Variants in EBF1 observed in about 807,000 individuals in gnomAD.
EBF1 encodes the protein transcription factor COE1.
Under a neutral mutation model 68.4 loss-of-function variants are expected in EBF1, and 10 were observed. That is an observed-to-expected ratio of 0.15 (90% confidence interval 0.09 to 0.25). EBF1 has a LOEUF of 0.25. EBF1 is among the 10% of genes least tolerant of loss of function. EBF1 has a pLI of 1.00. For missense variants in EBF1, 509 were observed against 794.4 expected, an observed-to-expected ratio of 0.64 and a Z score of 4.32; for synonymous variants, 298 against 299.8, an observed-to-expected ratio of 0.99 and a Z score of 0.06.
chr5:158,791,234 G>T (rs527731798), intron 9 of EBF1, among the ~76,000 whole-genome samples: 2 of 150,282 alleles, frequency 1.3e-5, no homozygotes, highest in Non-Finnish European at 2.9e-5. Flanking sequence ...CAGGAGAATC[G>T]CTTGAACCTG....
chr5:158,840,645 GTTTTTTTTTTTTTTTTTTTT>G (rs534374216), intron 6 of EBF1, among the ~76,000 whole-genome samples: 2 of 64,778 alleles, frequency 3.1e-5, no homozygotes, highest in African/African-American at 1.1e-4. Context: ...AATACCTCCT[GTTTTTTTTTTTTTTTTTTTT>G]TTTTTTTGTT....
At chr5:158,804,697 C>A (rs185371524) in intron 8 of EBF1, among the ~76,000 whole-genome samples, 34 of 152,274 alleles carry the variant, frequency 2.2e-4, no homozygotes, top group Non-Finnish European at 4.4e-4. Context: ...GTTAACTACA[C>A]TGCAGCTCAG....
intron 8 of EBF1, among the ~76,000 whole-genome samples, chr5:158,806,507 T>C (rs1481442355): frequency 6.6e-6 from 1 of 152,088 alleles, no homozygotes; most frequent in African/African-American, 2.4e-5. Flanking sequence ...GGCTCTATGC[T>C]GTCGTGAATG....
chr5:159,024,711 T>C (rs995269794), intron 6 of EBF1, among the ~76,000 whole-genome samples: 4 of 152,250 alleles, frequency 2.6e-5, no homozygotes, highest in Admixed American at 2.0e-4. Context: ...TGGGGTGTCC[T>C]TCTTTAAAAA....
intron 6 of EBF1, among the ~76,000 whole-genome samples, chr5:158,847,647 A>G (rs1791791174): frequency 6.6e-6 from 1 of 152,226 alleles, no homozygotes; most frequent in Non-Finnish European, 1.5e-5. Context: ...GCCAAAACAT[A>G]TTAAGGTGCA....
At chr5:159,069,675 A>G (rs562546193) in intron 6 of EBF1, among the ~76,000 whole-genome samples, 1 of 152,288 alleles carries the variant, frequency 6.6e-6, no homozygotes, top group South Asian at 2.1e-4. Flanking sequence ...TTCCCAATTC[A>G]GACTACCCTA....
intron 6 of EBF1, among the ~76,000 whole-genome samples, chr5:158,911,925 A>C (rs1202357703): frequency 6.6e-6 from 1 of 152,232 alleles, no homozygotes; most frequent in African/African-American, 2.4e-5. Flanking sequence ...AATGATTCAT[A>C]AATACAGCCA....
At chr5:158,919,830 T>C (rs1043682157) in intron 6 of EBF1, among the ~76,000 whole-genome samples, 7 of 152,280 alleles carry the variant, frequency 4.6e-5, no homozygotes, top group South Asian at 2.1e-4. Flanking sequence ...AATTTACAGA[T>C]AGGAATCTGA....
chr5:158,780,110 T>C (rs2127689361), intron 9 of EBF1, among the ~76,000 whole-genome samples: 1 of 152,310 alleles, frequency 6.6e-6, no homozygotes, highest in East Asian at 1.9e-4. Flanking sequence ...CTTTGATCAA[T>C]TTGAAAGCAC....
intron 8 of EBF1, among the ~76,000 whole-genome samples, chr5:158,817,658 G>A (rs376497541): frequency 1.7e-4 from 26 of 152,104 alleles, no homozygotes; most frequent in Admixed American, 9.2e-4. Context: ...TCATCTCTTC[G>A]GTTTTGGCAT....
At chr5:159,000,198 A>G (rs1762260702) in intron 6 of EBF1, among the ~76,000 whole-genome samples, 1 of 152,148 alleles carries the variant, frequency 6.6e-6, no homozygotes, top group Non-Finnish European at 1.5e-5. Flanking sequence ...CACAAACACA[A>G]AGCATCAAAG....
At chr5:158,976,427 C>G (rs913826745) in intron 6 of EBF1, among the ~76,000 whole-genome samples, 3 of 151,364 alleles carry the variant, frequency 2.0e-5, no homozygotes, top group Non-Finnish European at 4.4e-5. Flanking sequence ...ATACACTACA[C>G]TTCCCCACCC....
chr5:158,775,745 A>AACAC (rs3220206), intron 10 of EBF1, among the ~76,000 whole-genome samples: 6,098 of 137,428 alleles, frequency 0.044, 157 homozygotes, highest in Non-Finnish European at 0.058. Flanking sequence ...AGACTTGTAA[A>AACAC]ACACACACAC....
chr5:158,832,132 A>G (rs1787727084), intron 7 of EBF1, among the ~76,000 whole-genome samples: 1 of 152,236 alleles, frequency 6.6e-6, no homozygotes, highest in South Asian at 2.1e-4. Flanking sequence ...GCCAGCATCC[A>G]TTGGTAATCA....
chr5:158,970,356 A>T (rs1237036056), intron 6 of EBF1, among the ~76,000 whole-genome samples: 1 of 152,194 alleles, frequency 6.6e-6, no homozygotes, highest in Admixed American at 6.5e-5. Context: ...TTCTTTATTA[A>T]AGCCGGAAAT....
chr5:158,697,862 A>G lies in EBF1; in HGVS notation c.*1249T>C, dbSNP rs1755992921. The G allele has an allele frequency of 4.8e-6, 1 of 207,892 alleles. No homozygotes were observed. The highest frequency in any genetic ancestry group is 2.3e-5 in the African/African-American group (1 of 43,944). 12.9% of individuals were successfully genotyped at this position (207,892 alleles called of 1,614,324 possible). ...GAGCTTTGCTGCATCTTTGCTATTAATTCTTATTTTTAAGAACACTTCCCA... is the reference window on the plus strand; with the variant it reads ...GAGCTTTGCTGCATCTTTGCTATTAGTTCTTATTTTTAAGAACACTTCCCA... On this transcript the variant is annotated 3_prime_UTR_variant, in exon 16 of 16. Coordinates refer to ENST00000313708, the MANE Select transcript of EBF1 (RefSeq NM_024007.5).
Position 158,732,726 on chromosome 5 carries a change from A to T in EBF1, c.1037-1569T>A, listed in dbSNP as rs370007970. Among the ~76,000 whole-genome samples the T allele has an allele frequency of 5.3e-5, 8 of 152,332 alleles. No individual in the cohort carries two copies. In the East Asian group the frequency reaches 1.5e-3, roughly 29 times the overall value. ...GAGTAAGTACTTTTTCTTCACTTGT[A>T]TATTTTAAGTTAGAGTGAACTTTAG... On this transcript the variant is annotated intron_variant, in intron 10 of 15. Transcript: ENST00000313708.
intron 4 of EBF1, among the ~76,000 whole-genome samples, chr5:159,095,073 A>G (rs1288372588): frequency 6.6e-6 from 1 of 152,100 alleles, no homozygotes; most frequent in East Asian, 1.9e-4. Flanking sequence ...TTTGCAAAAT[A>G]TCCTCTAACA....
intron 6 of EBF1, among the ~76,000 whole-genome samples, chr5:159,006,343 C>T (rs1763536487): frequency 6.6e-6 from 1 of 151,900 alleles, no homozygotes; most frequent in Admixed American, 6.6e-5. Flanking sequence ...GGGATGACAC[C>T]ATGAGTCCTT....
Sources: allele counts gnomAD v4.1 joint callset (sites outside exome capture counted in the v4.1 genomes callset), GRCh38; gene constraint gnomAD v4.1.1; transcripts MANE v1.5; gene names NCBI Gene and HGNC (gene_info 2026-07-23, HGNC 2026-07-21).